The following POGLUT3 variants were observed in gnomAD, a reference collection of about 807,000 sequenced individuals.
The protein encoded by POGLUT3 is KDEL (Lys-Asp-Glu-Leu) containing 2.
In POGLUT3, 48 loss-of-function variants were observed where a neutral mutation model predicts 54.3. That is an observed-to-expected ratio of 0.88 (90% CI 0.70 to 1.12). POGLUT3 has a LOEUF of 1.12. POGLUT3 is among the 50% of genes most tolerant of loss of function. POGLUT3 has a pLI of 0.00. For missense variants in POGLUT3, 629 were observed against 618.7 expected (o/e 1.02, Z -0.18); for synonymous variants, 218 against 237.4 (o/e 0.92, Z 0.75).
Position 108,473,468 on chromosome 11 carries a change from G to C in POGLUT3, c.*1359C>G, listed in dbSNP as rs1311033478. ...CAAGGAGTATGTAATGAGCTTTCAG[G>C]CTATGAGTCCTAAATCCTGACCCTG... On this transcript the variant is annotated 3_prime_UTR_variant, in exon 8 of 8. Transcript: ENST00000323468. The C allele has an allele frequency of 6.6e-6, 1 of 152,206 alleles. No homozygotes were observed. Among genetic ancestry groups the C allele is most frequent in the East Asian group, 1.9e-4 (1 of 5,202 alleles). 9.4% of individuals were successfully genotyped at this position (152,206 alleles called of 1,614,324 possible).
Position 108,481,987 on chromosome 11 carries a change from C to A in POGLUT3, c.901+19G>T. The A allele has an allele frequency of 6.3e-7, 1 of 1,578,062 alleles. No homozygotes were observed. ...CTAAGCTTTTTCTTCATTAATTAGC[C>A]TTGCATTTCCCTGAATACCTGTATT... On this transcript the variant is annotated intron_variant, in intron 4 of 7. Coordinates refer to ENST00000323468, the MANE Select transcript of POGLUT3 (RefSeq NM_153705.5).
Position 108,475,454 on chromosome 11 carries a change from G to GTTTTT in POGLUT3, c.1399-507_1399-503dup, listed in dbSNP as rs1182179068. Reference sequence around the variant, plus strand: ...TGAGTGAAATATTTCTATAAATGGAGTTTTTTTTGTTTTTGTTTTTTTTTT... The same window carrying GTTTTT: ...TGAGTGAAATATTTCTATAAATGGAGTTTTTTTTTTTTTGTTTTTGTTTTTTTTTT... On this transcript the variant is annotated intron_variant, in intron 7 of 7. Transcript: ENST00000323468. Among the ~76,000 whole-genome samples the GTTTTT allele has an allele frequency of 1.2e-3, 129 of 109,358 alleles. 10 individuals are homozygous for GTTTTT. Among genetic ancestry groups the GTTTTT allele is most frequent in the African/African-American group, 2.3e-3 (64 of 27,630 alleles). 71.7% of individuals were successfully genotyped at this position (109,358 alleles called of 152,430 possible). A position where few individuals can be genotyped will look rare whatever the true frequency, so the allele number is the denominator to read the frequency against.
rs1266699070 is a variant in POGLUT3, at chr11:108,480,112, A to G, written c.1099-617T>C. ...CAGCCTCCCAAAGTGCTGGGATTAC[A>G]GGCGTGAACCACTACGCCCAGCCAG... On this transcript the variant is annotated intron_variant, in intron 5 of 7. Coordinates refer to ENST00000323468, the MANE Select transcript of POGLUT3 (RefSeq NM_153705.5). 2.0e-5 allele frequency among the ~76,000 whole-genome samples: 3 copies of G among 152,280 alleles called. No homozygotes were observed. The East Asian group carries it at 5.8e-4, about 29-fold the overall frequency.
intron 2 of POGLUT3, 92 bp from the exon 3 acceptor site, chr11:108,486,532 A>G: frequency 7.7e-7 from 1 of 1,299,350 alleles, no homozygotes; most frequent in South Asian, 1.4e-5. Flanking sequence ...GGTGAATTCT[A>G]AGATTATCCA....
At chr11:108,493,508 T>C (rs1282097055) in intron 1 of POGLUT3, among the ~76,000 whole-genome samples, 3 of 152,130 alleles carry the variant, frequency 2.0e-5, no homozygotes, top group Non-Finnish European at 4.4e-5. Context: ...TATAGTGGGA[T>C]AGAATTGAGG....
In POGLUT3 at chr11:108,474,780, T is replaced by G; in HGVS notation, c.*47A>C. ...TCCTTCACAGCTTAGATTCAATCTT[T>G]CCTTAAAGTGTAGCCGGGATACACA... On this transcript the variant is annotated 3_prime_UTR_variant, in exon 8 of 8. Transcript: ENST00000323468. The G allele has an allele frequency of 6.3e-7, 1 of 1,577,028 alleles. No homozygotes were observed. The highest frequency in any genetic ancestry group is 8.6e-7 in the Non-Finnish European group (1 of 1,163,920).
rs973454607 is a variant in POGLUT3, at chr11:108,473,579, T to C, written c.*1248A>G. 1 of 152,216 alleles carries C rather than the reference T, an allele frequency of 6.6e-6. No individual in the cohort carries two copies. The highest frequency in any genetic ancestry group is 1.5e-5 in the Non-Finnish European group (1 of 68,034). The allele number at this position is 152,216 out of a possible 1,614,324, so 9.4% of individuals were successfully genotyped here. A position where few individuals can be genotyped will look rare whatever the true frequency, so the allele number is the denominator to read the frequency against. The stretch of plus-strand genomic sequence containing the variant: ...GAAAAGTGGTGGAGTGAGGAATGGA[T>C]GCTTGCCTTTGTTCTTGGCCTATTA... On this transcript the variant is annotated 3_prime_UTR_variant, in exon 8 of 8. Transcript: ENST00000323468.
intron 7 of POGLUT3, among the ~76,000 whole-genome samples, chr11:108,476,428 C>T (rs766197841): frequency 1.7e-4 from 26 of 152,124 alleles, no homozygotes; most frequent in Non-Finnish European, 2.4e-4. Flanking sequence ...CCACTGCACC[C>T]GGCCAAGAAA....
At chr11:108,475,471 T>G (rs979644164) in intron 7 of POGLUT3, among the ~76,000 whole-genome samples, 19 of 142,200 alleles carry the variant, frequency 1.3e-4, no homozygotes, top group Non-Finnish European at 1.1e-4. Context: ...TTGTTTTTGT[T>G]TTTTTTTTTT....
chr11:108,474,945 G>C lies in POGLUT3; in HGVS notation c.1406C>G (p.Ala469Gly), dbSNP rs1481514034. Residue 469 changes from alanine (A) to glycine (G), a missense_variant, in exon 8 of 8, where the codon GCC (alanine) becomes GGC (glycine). Ala to Gly is a moderately conservative substitution (Grantham distance 60). Coordinates refer to ENST00000323468, the MANE Select transcript of POGLUT3 (RefSeq NM_153705.5). ...TTCGGGTTTGCTGGACTGGCGCTCG[G>C]CATATTTCTGAAACGTGGGTTTAAA... ...CYYYQVLQKY[A>G]ERQSSKPEVR... is the part of the protein sequence containing the mutation. The C allele has an allele frequency of 1.2e-6, 2 of 1,613,812 alleles. No homozygotes were observed. Among genetic ancestry groups the C allele is most frequent in the Admixed American group, 1.7e-5 (1 of 60,000 alleles).
At chr11:108,489,952 C>G in intron 2 of POGLUT3, among the ~76,000 whole-genome samples, 1 of 152,112 alleles carries the variant, frequency 6.6e-6, no homozygotes, top group Admixed American at 6.5e-5. Context: ...GTGGCACGAT[C>G]ACAGCTTACC....
intron 1 of POGLUT3, chr11:108,491,399 G>C (rs959011312): frequency 3.4e-6 from 2 of 589,212 alleles, no homozygotes; most frequent in African/African-American, 3.8e-5. Flanking sequence ...CTGTCATCCA[G>C]CTAGGAGTGC....
At chr11:108,491,308 G>A in intron 1 of POGLUT3, 141 bp from the exon 2 acceptor site, 1 of 669,694 alleles carries the variant, frequency 1.5e-6, no homozygotes. Context: ...TCCTTTGGAA[G>A]ATCTTTGAGG....
At position 108,481,252 on chromosome 11, in the gene POGLUT3, T is replaced by G; in HGVS notation, c.1026A>C (p.Gly342=). The G allele has an allele frequency of 6.2e-7, 1 of 1,613,192 alleles. No homozygotes were observed. ...TTTCTTTCTCTTGGAAAAAGAAATA[T>G]CCTGTAATTCCTGCATCTAGTAGCT... The part of the protein sequence containing the change: ...NPQLLDAGIT[G]YFFFQEKEKE... The change falls in exon 5 of 8, where the codon GGA becomes GGC. Residue 342 remains glycine (G), a synonymous_variant. Coordinates refer to ENST00000323468, the MANE Select transcript of POGLUT3 (RefSeq NM_153705.5).
chr11:108,475,929 G>A (rs2093580810), intron 7 of POGLUT3, among the ~76,000 whole-genome samples: 1 of 152,078 alleles, frequency 6.6e-6, no homozygotes, highest in Admixed American at 6.5e-5. Flanking sequence ...GGGAGGCTGA[G>A]GCTGGAGAAT....
rs776644911 is a variant in POGLUT3 at position 108,482,181 on chromosome 11, A to C, written c.726T>G (p.Asp242Glu). 1 of 1,614,014 alleles carries C rather than the reference A, an allele frequency of 6.2e-7. No homozygotes were observed. The change falls in exon 4 of 8, where the codon GAT becomes GAG. Residue 242 changes from aspartate to glutamate, a missense_variant. Transcript: ENST00000323468. Reference sequence around the variant, plus strand: ...TGACTTTTCGATGCTCCAAGGGCCAATCTCCAAGATTAACATAAAATTCTA... The same window carrying C: ...TGACTTTTCGATGCTCCAAGGGCCACTCTCCAAGATTAACATAAAATTCTA... ...PDLEFYVNLG[D>E]WPLEHRKVNG...
At chr11:108,497,832 G>A (rs1385695310) in intron 1 of POGLUT3, among the ~76,000 whole-genome samples, 1 of 152,172 alleles carries the variant, frequency 6.6e-6, no homozygotes, top group East Asian at 1.9e-4. Flanking sequence ...ATCCCTCACA[G>A]TTCAGACAAC....
chr11:108,498,238 G>T lies in POGLUT3; in HGVS notation c.129C>A (p.Val43=). 6.6e-7 allele frequency: 1 copy of T among 1,511,462 alleles called. No homozygotes were observed. The highest frequency in any genetic ancestry group is 8.8e-7 in the Non-Finnish European group (1 of 1,131,372). The allele number at this position is 1,511,462 out of a possible 1,614,324, so 93.6% of individuals were successfully genotyped here. A position where few individuals can be genotyped will look rare whatever the true frequency, so the allele number is the denominator to read the frequency against. Residue 43 remains valine, a synonymous_variant, in exon 1 of 8, where the codon GTC becomes GTA. Transcript: ENST00000323468. ...LVWGPGLQAA[V]VLPVRYFYLQ... ...GGTAGAAATAGCGGACCGGCAGGAC[G>T]ACGGCCGCCTGCAGCCCGGGCCCCC...
At chr11:108,475,961 A>C (rs1318059424) in intron 7 of POGLUT3, among the ~76,000 whole-genome samples, 1 of 151,984 alleles carries the variant, frequency 6.6e-6, no homozygotes. Context: ...CCAGGGAAAC[A>C]CGGCAAGAGC....
Sources: allele counts gnomAD v4.1 joint callset (sites outside exome capture counted in the v4.1 genomes callset), GRCh38; gene constraint gnomAD v4.1.1; transcripts MANE v1.5; gene names NCBI Gene and HGNC (gene_info 2026-07-23, HGNC 2026-07-21).